The following PTPN4 variants were observed in gnomAD, a reference collection of about 807,000 sequenced individuals.
PTPN4 encodes the protein protein tyrosine phosphatase non-receptor type 4, also known as tyrosine-protein phosphatase non-receptor type 4.
A neutral mutation model predicts 135.5 loss-of-function variants in PTPN4; 49 were observed. The ratio of observed to expected loss-of-function variants is 0.36; its 90% CI spans 0.29 to 0.46. PTPN4 has a LOEUF of 0.46. Among genes scored for constraint, PTPN4 ranks in the 20% least tolerant of loss-of-function variants. The pLI is 1.00. For synonymous variants in PTPN4, 333 were observed against 369.9 expected, an observed-to-expected ratio of 0.90 and a Z score of 1.14; for missense variants, 860 against 1,101.0, an observed-to-expected ratio of 0.78 and a Z score of 3.10.
intron 16 of PTPN4, among the ~76,000 whole-genome samples, chr2:119,945,508 T>G (rs1679119641): frequency 6.6e-6 from 1 of 152,056 alleles, no homozygotes; most frequent in East Asian, 1.9e-4. Context: ...TGATAAGAAC[T>G]AGTCAGATTT....
intron 5 of PTPN4, among the ~76,000 whole-genome samples, chr2:119,881,240 C>T (rs1216952509): frequency 6.6e-6 from 1 of 152,184 alleles, no homozygotes; most frequent in African/African-American, 2.4e-5. Context: ...AGTATTCTTC[C>T]CCTGCCCCGC....
At chr2:119,936,764 A>G (rs1678990273) in intron 15 of PTPN4, among the ~76,000 whole-genome samples, 1 of 152,196 alleles carries the variant, frequency 6.6e-6, no homozygotes, top group African/African-American at 2.4e-5. Flanking sequence ...AGTTCAGGGT[A>G]GCTTGGAACT....
Position 119,810,007 on chromosome 2 carries a change from C to T in PTPN4, c.138+16C>T. The T allele has an allele frequency of 6.3e-7, 1 of 1,592,726 alleles. No homozygotes were observed. Among genetic ancestry groups the T allele is most frequent in the Non-Finnish European group, 8.5e-7 (1 of 1,170,446 alleles). On this transcript the variant is annotated intron_variant, in intron 2 of 26. Transcript: ENST00000263708. ...CAAAGTCAATGTAAGTATTTTGTGT[C>T]TTTTAAAAAATAATCTCTGGCTATA...
At chr2:119,871,715 GAAA>G (rs912062048) in intron 3 of PTPN4, among the ~76,000 whole-genome samples, 1 of 149,586 alleles carries the variant, frequency 6.7e-6, no homozygotes, top group East Asian at 2.0e-4. Flanking sequence ...AAGAGAGAGA[GAAA>G]AAAAAAGCTT....
chr2:119,838,914 T>C (rs1392447803), intron 2 of PTPN4, among the ~76,000 whole-genome samples: 2 of 152,238 alleles, frequency 1.3e-5, no homozygotes, highest in Non-Finnish European at 2.9e-5. Flanking sequence ...ATGTTAGAAT[T>C]CTGGCCACAG....
intron 9 of PTPN4, among the ~76,000 whole-genome samples, chr2:119,887,177 T>C (rs1016756375): frequency 1.3e-5 from 2 of 152,194 alleles, no homozygotes; most frequent in Admixed American, 6.5e-5. Context: ...TTTAAATATA[T>C]GAATTAAACT....
At chr2:119,868,515 ATC>A (rs535589260) in intron 3 of PTPN4, among the ~76,000 whole-genome samples, 153 of 152,284 alleles carry the variant, frequency 1.0e-3, no homozygotes, top group African/African-American at 3.6e-3. Context: ...CATAAACAAA[ATC>A]TCTGCAGCAC....
intron 2 of PTPN4, among the ~76,000 whole-genome samples, chr2:119,847,309 CACACACAT>C (rs1458688880): frequency 4.1e-5 from 4 of 97,408 alleles, no homozygotes; most frequent in African/African-American, 8.1e-5. Flanking sequence ...CACACACACA[CACACACAT>C]ATATATATAT....
intron 15 of PTPN4, among the ~76,000 whole-genome samples, chr2:119,939,288 A>G (rs1476860573): frequency 6.6e-6 from 1 of 152,172 alleles, no homozygotes; most frequent in East Asian, 1.9e-4. Context: ...TTCATAATCC[A>G]GAAGTGGCTT....
chr2:119,782,726 G>T (rs113006977), intron 1 of PTPN4, among the ~76,000 whole-genome samples: 46 of 55,790 alleles, frequency 8.2e-4, no homozygotes, highest in African/African-American at 3.0e-3. Flanking sequence ...TTTTTTTTTT[G>T]AGACGACCTC....
At chr2:119,952,213 A>G (rs1679220827) in intron 19 of PTPN4, 84 bp downstream of exon 19, 1 of 1,305,122 alleles carries the variant, frequency 7.7e-7, no homozygotes. Flanking sequence ...TTCTGACATA[A>G]AACATAAGTC....
chr2:119,914,590 A>G (rs1678624340), intron 10 of PTPN4, among the ~76,000 whole-genome samples: 1 of 152,088 alleles, frequency 6.6e-6, no homozygotes, highest in African/African-American at 2.4e-5. Flanking sequence ...CCTGAAGGAC[A>G]TTTTTCTCAG....
intron 9 of PTPN4, among the ~76,000 whole-genome samples, chr2:119,886,494 T>G (rs1678156623): frequency 6.6e-6 from 1 of 152,206 alleles, no homozygotes; most frequent in Admixed American, 6.5e-5. Context: ...CCTGTATTTG[T>G]GTGTTTCCTC....
At chr2:119,860,341 T>A (rs548344304) in intron 2 of PTPN4, among the ~76,000 whole-genome samples, 16 of 152,304 alleles carry the variant, frequency 1.1e-4, no homozygotes, top group African/African-American at 3.8e-4. Context: ...TTCTGGCCAA[T>A]AAGAGTCTTT....
At chr2:119,771,510 C>G (rs957402732) in intron 1 of PTPN4, 2 of 152,164 alleles carry the variant, frequency 1.3e-5, no homozygotes, top group African/African-American at 2.4e-5. Context: ...TAAGCATTGC[C>G]TGCTGCCATG....
intron 2 of PTPN4, among the ~76,000 whole-genome samples, chr2:119,810,376 G>A (rs537022435): frequency 2.3e-4 from 35 of 152,252 alleles, no homozygotes; most frequent in African/African-American, 8.4e-4. Flanking sequence ...ATAAATGACA[G>A]CCCTGATCTT....
chr2:119,862,747 T>C lies in PTPN4; in HGVS notation c.246+104T>C. 4.7e-6 allele frequency: 4 copies of C among 856,092 alleles called. No homozygotes were observed. In the Admixed American group the frequency reaches 9.1e-5, roughly 19 times the overall value. The allele number at this position is 856,092 out of a possible 1,614,324, so 53.0% of individuals were successfully genotyped here. ...GTGTTCACTGATTTGATGAGTTTTT[T>C]TTTTACTTGACTTAAATAGAGGTAA... On this transcript the variant is annotated intron_variant, in intron 3 of 26. Coordinates refer to ENST00000263708, the MANE Select transcript of PTPN4 (RefSeq NM_002830.4).
chr2:119,847,313 C>CATAT (rs1429354924), intron 2 of PTPN4, among the ~76,000 whole-genome samples: 11 of 109,186 alleles, frequency 1.0e-4, no homozygotes, highest in African/African-American at 2.3e-4. Context: ...CACACACACA[C>CATAT]ACATATATAT....
At chr2:119,924,726 GTTTC>G (rs72426989) in intron 12 of PTPN4, among the ~76,000 whole-genome samples, 43,801 of 151,580 alleles carry the variant, frequency 0.29, 6,486 homozygotes, top group African/African-American at 0.36. Flanking sequence ...AAAAAAAATT[GTTTC>G]TTTATTATGA....
Sources: allele counts gnomAD v4.1 joint callset (sites outside exome capture counted in the v4.1 genomes callset), GRCh38; gene constraint gnomAD v4.1.1; transcripts MANE v1.5; gene names NCBI Gene and HGNC (gene_info 2026-07-23, HGNC 2026-07-21).